NT5DC3: variants seen among roughly 807,000 people sequenced by gnomAD.
NT5DC3 encodes the protein 5'-nucleotidase domain containing 3, also known as 5'-nucleotidase domain-containing protein 3.
A neutral mutation model predicts 67.8 loss-of-function variants in NT5DC3; 42 were observed. The observed-to-expected ratio is 0.62, with a 90% CI of 0.48 to 0.80. The LOEUF (loss-of-function observed/expected upper bound fraction) is 0.80. Ranked by LOEUF, NT5DC3 falls within the 30% of genes least tolerant of loss-of-function variation. The pLI is 0.00. For synonymous variants in NT5DC3, 237 were observed against 255.6 expected (o/e 0.93, Z 0.69); for missense variants, 570 against 696.4 (o/e 0.82, Z 2.04).
intron 1 of NT5DC3, among the ~76,000 whole-genome samples, chr12:103,833,802 T>C (rs918178881): frequency 2.6e-4 from 40 of 151,868 alleles, no homozygotes; most frequent in South Asian, 8.4e-4. Context: ...TTCCATTCTG[T>C]ACCTAACAGG....
Position 103,814,959 on chromosome 12 carries a change from T to C in NT5DC3, c.371A>G (p.Asp124Gly). The change falls in exon 2 of 14, where the codon GAC becomes GGC. Residue 124 changes from aspartate to glycine, a missense_variant. By Grantham distance (94) the Asp-to-Gly change is moderately conservative. Around this residue, in one of 2 missense-constraint regions of NT5DC3, gnomAD observed 466 missense variants for 608.0 expected, o/e 0.77. Coordinates refer to ENST00000392876, the MANE Select transcript of NT5DC3 (RefSeq NM_001031701.3). ...TACCCGGTGTTCATTGATGAGAAGG[T>C]CCCGTGCAGCATTAAATATCAGCGT... Reference protein sequence around the residue: ...LHTLIFNAARDLLINEHRYPA... With the variant: ...LHTLIFNAARGLLINEHRYPA... 6.2e-7 allele frequency: 1 copy of C among 1,611,294 alleles called. No individual in the cohort carries two copies. The highest frequency in any genetic ancestry group is 1.1e-5 in the South Asian group (1 of 90,312).
In NT5DC3 at chr12:103,773,459, C is replaced by T. The variant is rs1311324434; in HGVS notation, c.*4370G>A. Reference sequence around the variant, plus strand: ...AACTTTGAGCTAAGCTCCTAAATGACACTAGTAGTGTCAAAGATTACTGTT... The same window carrying T: ...AACTTTGAGCTAAGCTCCTAAATGATACTAGTAGTGTCAAAGATTACTGTT... On this transcript the variant is annotated 3_prime_UTR_variant, in exon 14 of 14. Coordinates refer to ENST00000392876, the MANE Select transcript of NT5DC3 (RefSeq NM_001031701.3). 6.6e-6 allele frequency: 1 copy of T among 152,092 alleles called. No individual in the cohort carries two copies. Among genetic ancestry groups the T allele is most frequent in the African/African-American group, 2.4e-5 (1 of 41,418 alleles). The allele number at this position is 152,092 out of a possible 1,614,324, so 9.4% of individuals were successfully genotyped here. A position where few individuals can be genotyped will look rare whatever the true frequency, so the allele number is the denominator to read the frequency against.
the NT5DC3 span, among the ~76,000 whole-genome samples, chr12:103,757,032 A>ATATATAT: frequency 7.5e-6 from 1 of 132,998 alleles, no homozygotes; most frequent in Non-Finnish European, 1.6e-5. Context: ...TATATATATA[A>ATATATAT]AATATATATA....
intron 12 of NT5DC3, among the ~76,000 whole-genome samples, chr12:103,783,839 T>TC (rs1885656233): frequency 6.7e-6 from 1 of 149,680 alleles, no homozygotes; most frequent in African/African-American, 2.5e-5. Flanking sequence ...ACTGATACCA[T>TC]CTACGTGCAG....
In NT5DC3 at chr12:103,796,997, T is replaced by TCCATGCGAGATGA; in HGVS notation, c.649_650insTCATCTCGCATGG (p.Asp217ValfsTer20). 1 of 1,614,120 alleles carries TCCATGCGAGATGA rather than the reference T, an allele frequency of 6.2e-7. No individual in the cohort carries two copies. Among genetic ancestry groups the TCCATGCGAGATGA allele is most frequent in the Non-Finnish European group, 8.5e-7 (1 of 1,180,006 alleles). On this transcript the variant is annotated frameshift_variant, in exon 6 of 14. Transcript: ENST00000392876. LOFTEE classifies it high-confidence loss of function. ...GGTCATCTCGGGCAGGGAGAAGATG[T>TCCATGCGAGATGA]CCATGAACTGCTTCATCGTGTTTCC...
chr12:103,835,349 A>C (rs990001691), intron 1 of NT5DC3, among the ~76,000 whole-genome samples: 6 of 152,200 alleles, frequency 3.9e-5, no homozygotes, highest in African/African-American at 1.4e-4. Flanking sequence ...AATAGGGACC[A>C]CATGCATTTG....
chr12:103,809,234 C>A (rs1223724453), intron 2 of NT5DC3, among the ~76,000 whole-genome samples: 2 of 152,236 alleles, frequency 1.3e-5, no homozygotes, highest in Non-Finnish European at 2.9e-5. Flanking sequence ...AGTGGAGCAC[C>A]AACTATTTTA....
At chr12:103,809,893 A>T (rs1886957447) in intron 2 of NT5DC3, among the ~76,000 whole-genome samples, 1 of 152,200 alleles carries the variant, frequency 6.6e-6, no homozygotes, top group Non-Finnish European at 1.5e-5. Flanking sequence ...GAGACCAGGC[A>T]TCAAATCCTG....
the NT5DC3 span, among the ~76,000 whole-genome samples, chr12:103,748,605 TAC>T: frequency 0.021 from 2,897 of 141,244 alleles, 41 homozygotes; most frequent in Non-Finnish European, 0.026. Context: ...CACACACACA[TAC>T]ACACACACAC....
rs1374823992 is a variant in NT5DC3 at position 103,790,753 on chromosome 12, T to G, written c.1020-1834A>C. ...TCTCACTCTGTCGCCCAGGCTGGAG[T>G]GCAGTGGCATGACCTCGGCTCTGCC... On this transcript the variant is annotated intron_variant, in intron 9 of 13. Coordinates refer to ENST00000392876, the MANE Select transcript of NT5DC3 (RefSeq NM_001031701.3). Among the ~76,000 whole-genome samples, 29 of 116,664 alleles carry G rather than the reference T, an allele frequency of 2.5e-4. 1 individual carries two copies. In the Admixed American group the frequency reaches 3.1e-3, roughly 13 times the overall value. The allele number at this position is 116,664 out of a possible 152,430, so 76.5% of individuals were successfully genotyped here.
chr12:103,800,258 T>C (rs1163078647), intron 4 of NT5DC3, among the ~76,000 whole-genome samples: 1 of 152,206 alleles, frequency 6.6e-6, no homozygotes. Context: ...ATTTTGCCTC[T>C]CATCTTGATT....
the NT5DC3 span, among the ~76,000 whole-genome samples, chr12:103,764,870 G>A: frequency 6.6e-6 from 1 of 152,146 alleles, no homozygotes; most frequent in South Asian, 2.1e-4. Context: ...GGCCAAGGCA[G>A]GTGGATCACC....
At chr12:103,761,160 G>A in the NT5DC3 span, 1 of 695,042 alleles carries the variant, frequency 1.4e-6, no homozygotes, top group Non-Finnish European at 2.5e-6. Flanking sequence ...AGAGGGTGAG[G>A]AGAAGTCCTG....
At chr12:103,763,127 A>G in the NT5DC3 span, among the ~76,000 whole-genome samples, 168 of 152,348 alleles carry the variant, frequency 1.1e-3, 3 homozygotes, top group South Asian at 0.034. Flanking sequence ...TATAGGCTGT[A>G]TGACTGCATT....
rs571115587 is a variant in NT5DC3 at position 103,825,368 on chromosome 12, A to G, written c.209-10247T>C. ...TACAAAAATAAAACTACATACAACT[A>G]CATTTGAAATAAAATTAAATATAGT... is the stretch of plus-strand genomic sequence containing the variant. On this transcript the variant is annotated intron_variant, in intron 1 of 13. Transcript: ENST00000392876. 3.9e-5 allele frequency among the ~76,000 whole-genome samples: 6 copies of G among 152,370 alleles called. 1 individual carries two copies. The South Asian group carries it at 1.0e-3, about 26-fold the overall frequency.
At chr12:103,819,827 T>C (rs893800073) in intron 1 of NT5DC3, 2 of 152,218 alleles carry the variant, frequency 1.3e-5, no homozygotes, top group Non-Finnish European at 2.9e-5. Context: ...AAGAGTGCAA[T>C]TCAGTGGTAT....
At chr12:103,809,859 G>T (rs1327056495) in intron 2 of NT5DC3, among the ~76,000 whole-genome samples, 3 of 152,146 alleles carry the variant, frequency 2.0e-5, no homozygotes, top group Non-Finnish European at 4.4e-5. Flanking sequence ...ATGTCATAAT[G>T]AAGAATACAG....
chr12:103,748,866 C>A, the NT5DC3 span: 1 of 1,330,940 alleles, frequency 7.5e-7, no homozygotes. Flanking sequence ...CATTTACTCA[C>A]CCAACACCAC....
intron 10 of NT5DC3, among the ~76,000 whole-genome samples, chr12:103,788,339 G>A (rs1885885428): frequency 6.6e-6 from 1 of 152,200 alleles, no homozygotes. Flanking sequence ...CCAGCCACCT[G>A]GGAGGCTGAG....
Sources: gnomAD v4.1 joint callset for allele counts (sites outside exome capture counted in the v4.1 genomes callset) on GRCh38, gnomAD v4.1.1 for gene constraint, gnomAD v4.1.1 regional missense constraint, MANE v1.5 for transcripts, NCBI Gene and HGNC (gene_info 2026-07-23, HGNC 2026-07-21) for gene names.